The following GAD1 variants were observed in gnomAD, a reference collection of about 807,000 sequenced individuals.
GAD1 encodes the protein 67 kDa glutamic acid decarboxylase.
In GAD1, 35 loss-of-function variants were observed where a neutral mutation model predicts 75.2. That is an observed-to-expected ratio of 0.47 (90% CI 0.36 to 0.62). The LOEUF is 0.62. GAD1 is among the 20% of genes least tolerant of loss of function. GAD1 has a pLI of 0.00. For missense variants in GAD1, 490 were observed against 758.5 expected (o/e 0.65, Z 4.16); for synonymous variants, 257 against 271.9 (o/e 0.95, Z 0.54).
intron 6 of GAD1, 115 bp downstream of exon 6, chr2:170,836,998 C>T (rs1056814266): frequency 2.7e-6 from 2 of 736,134 alleles, no homozygotes; most frequent in African/African-American, 3.5e-5. Flanking sequence ...CATTTTTTCT[C>T]TTAAAATCTT....
chr2:170,827,502 T>A (rs1263889068), intron 3 of GAD1, among the ~76,000 whole-genome samples: 1 of 151,958 alleles, frequency 6.6e-6, no homozygotes, highest in Non-Finnish European at 1.5e-5. Context: ...GTGGAGGGAG[T>A]GTGCTCCACG....
In GAD1 at chr2:170,846,050, A is replaced by G. The variant is rs1313496161; in HGVS notation, c.989A>G (p.Glu330Gly). The G allele has an allele frequency of 6.2e-7, 1 of 1,613,586 alleles. No individual in the cohort carries two copies. Among genetic ancestry groups the G allele is most frequent in the Non-Finnish European group, 8.5e-7 (1 of 1,179,626 alleles). ...GCTGATTTTGAGGCAAAAATTCTTGAAGCCAAACAGAAGGTATGTACTCCG... is the reference window on the plus strand; with the variant it reads ...GCTGATTTTGAGGCAAAAATTCTTGGAGCCAAACAGAAGGTATGTACTCCG... Reference protein sequence around the residue: ...IPADFEAKILEAKQKGYVPFY... With the variant: ...IPADFEAKILGAKQKGYVPFY... Residue 330 changes from glutamate to glycine, a missense_variant, in exon 10 of 17, where the codon GAA (glutamate) becomes GGA (glycine). Physicochemically the swap from Glu to Gly is moderately conservative, Grantham distance 98 (BLOSUM62 -2). Transcript: ENST00000358196.
Position 170,846,043 on chromosome 2 carries a change from A to G in GAD1, c.982A>G (p.Ile328Val). ...KIIPADFEAK[I>V]LEAKQKGYVP... is the part of the protein sequence containing the mutation. ...AATTCCAGCTGATTTTGAGGCAAAA[A>G]TTCTTGAAGCCAAACAGAAGGTATG... The change falls in exon 10 of 17, where the codon ATT becomes GTT. Residue 328 changes from isoleucine (I) to valine (V), a missense_variant. This residue lies in a region of GAD1 where 324 missense variants were observed against 523.9 expected (regional missense o/e 0.62). Coordinates refer to ENST00000358196, the MANE Select transcript of GAD1 (RefSeq NM_000817.3). The G allele has an allele frequency of 1.2e-6, 2 of 1,613,880 alleles. No homozygotes were observed. Among genetic ancestry groups the G allele is most frequent in the Non-Finnish European group, 1.7e-6 (2 of 1,179,764 alleles).
Position 170,818,490 on chromosome 2 carries a change from C to G in GAD1, c.-63-39C>G. ...TCAGTCCCTCCGGTGTGCAGGACCC[C>G]GGAAGTCCTCCCCGCACAGCTCTCG... On this transcript the variant is annotated intron_variant, in intron 1 of 16. Transcript: ENST00000358196. This position sits in a 1 kb window ranked among gnomAD's most constrained non-coding sequence, Gnocchi z 5.9. 1 of 1,106,784 alleles carries G rather than the reference C, an allele frequency of 9.0e-7. No individual in the cohort carries two copies. Among genetic ancestry groups the G allele is most frequent in the East Asian group, 2.4e-5 (1 of 42,420 alleles). 68.6% of individuals were successfully genotyped at this position (1,106,784 alleles called of 1,614,324 possible). A position where few individuals can be genotyped will look rare whatever the true frequency, so the allele number is the denominator to read the frequency against.
At chr2:170,859,235 G>A (rs558632656) in intron 16 of GAD1, among the ~76,000 whole-genome samples, 1 of 152,206 alleles carries the variant, frequency 6.6e-6, no homozygotes, top group South Asian at 2.1e-4. Context: ...AACATTTTAA[G>A]TTCAGGCCCA....
intron 13 of GAD1, 103 bp downstream of exon 13, chr2:170,852,895 A>T: frequency 1.0e-6 from 1 of 977,508 alleles, no homozygotes; most frequent in Non-Finnish European, 1.6e-6. Flanking sequence ...CTGACTCACG[A>T]GATTGGCAGC....
intron 3 of GAD1, among the ~76,000 whole-genome samples, chr2:170,822,454 C>G (rs948350721): frequency 6.6e-6 from 1 of 152,230 alleles, no homozygotes; most frequent in East Asian, 1.9e-4. Context: ...CGCGGCAACC[C>G]CGCCTTCCTA....
rs867050800 is a variant in GAD1, at chr2:170,845,507, G to A, written c.753G>A (p.Gly251=). ...CCCAATATGTCCGCTTGCTGACAGGGGGCGCCATATCCAACATGTACAGCA... is the reference window on the plus strand; with the variant it reads ...CCCAATATGTCCGCTTGCTGACAGGAGGCGCCATATCCAACATGTACAGCA... ...SKDGDGIFSP[G]GAISNMYSIM... is the part of the protein sequence containing the mutation. Residue 251 remains glycine, a splice_region_variant and synonymous_variant, in exon 8 of 17, where the codon GGG becomes GGA. Transcript: ENST00000358196. The A allele has an allele frequency of 1.2e-6, 2 of 1,613,054 alleles. No homozygotes were observed. Among genetic ancestry groups the A allele is most frequent in the African/African-American group, 2.7e-5 (2 of 74,992 alleles).
Position 170,818,525 on chromosome 2 carries a change from G to T in GAD1, c.-63-4G>T. 6.9e-7 allele frequency: 1 copy of T among 1,441,134 alleles called. No homozygotes were observed. Among genetic ancestry groups the T allele is most frequent in the Non-Finnish European group, 9.8e-7 (1 of 1,022,360 alleles). The allele number at this position is 1,441,134 out of a possible 1,614,324, so 89.3% of individuals were successfully genotyped here. ...CCCCGCACAGCTCTCGCTTCTCTTT[G>T]CAGCCTGTTTCTGCGCCGGACCAGT... On this transcript the variant is annotated splice_region_variant and splice_polypyrimidine_tract_variant and intron_variant, in intron 1 of 16. Transcript: ENST00000358196. The surrounding 1 kb of genome is among the most constrained non-coding windows in gnomAD (Gnocchi z 5.9).
At chr2:170,825,273 T>C (rs1575426333) in intron 3 of GAD1, among the ~76,000 whole-genome samples, 2 of 152,118 alleles carry the variant, frequency 1.3e-5, no homozygotes, top group South Asian at 4.1e-4. Flanking sequence ...GCTGCAGTCC[T>C]AGCTACTCAG....
chr2:170,818,700 A>C lies in GAD1; in HGVS notation c.82+27A>C. ...TAGGTCCCGCCCCAATTTTCTATCA[A>C]ATGAACTGCAGGGAAGATGGGGGCG... On this transcript the variant is annotated intron_variant, in intron 2 of 16. Coordinates refer to ENST00000358196, the MANE Select transcript of GAD1 (RefSeq NM_000817.3). This position sits in a 1 kb window ranked among gnomAD's most constrained non-coding sequence, Gnocchi z 5.9. 1 of 1,606,560 alleles carries C rather than the reference A, an allele frequency of 6.2e-7. No individual in the cohort carries two copies. Among genetic ancestry groups the C allele is most frequent in the Non-Finnish European group, 8.5e-7 (1 of 1,173,186 alleles).
intron 3 of GAD1, among the ~76,000 whole-genome samples, chr2:170,827,083 G>T (rs1471695736): frequency 6.6e-6 from 1 of 152,030 alleles, no homozygotes. Flanking sequence ...AAGGTGCTGG[G>T]AGCAACAAAA....
In GAD1 at chr2:170,818,685, C is replaced by T; in HGVS notation, c.82+12C>T. The T allele has an allele frequency of 6.2e-7, 1 of 1,613,466 alleles. No individual in the cohort carries two copies. Among genetic ancestry groups the T allele is most frequent in the Non-Finnish European group, 8.5e-7 (1 of 1,179,362 alleles). Reference sequence around the variant, plus strand: ...CCTGCGCCCCACAAGTAGGTCCCGCCCCAATTTTCTATCAAATGAACTGCA... The same window carrying T: ...CCTGCGCCCCACAAGTAGGTCCCGCTCCAATTTTCTATCAAATGAACTGCA... On this transcript the variant is annotated intron_variant, in intron 2 of 16. Transcript: ENST00000358196. This position sits in a 1 kb window ranked among gnomAD's most constrained non-coding sequence, Gnocchi z 5.9.
At chr2:170,843,812 G>A (rs1575440726) in intron 6 of GAD1, 1 of 527,038 alleles carries the variant, frequency 1.9e-6, no homozygotes, top group East Asian at 3.4e-5. Context: ...CTATTTTGTT[G>A]GTGAAGTATC....
chr2:170,847,321 A>C (rs1702654098), intron 10 of GAD1, among the ~76,000 whole-genome samples: 1 of 152,184 alleles, frequency 6.6e-6, no homozygotes. Flanking sequence ...CATAGAAATT[A>C]TTGCTATTAA....
In GAD1 at chr2:170,822,167, C is replaced by T. The variant is rs1701902273; in HGVS notation, c.145+18C>T. The T allele has an allele frequency of 1.9e-6, 3 of 1,610,296 alleles. No homozygotes were observed. The highest frequency in any genetic ancestry group is 1.3e-5 in the African/African-American group (1 of 74,856). ...GATCTGCGGTAAGTGACAGGACCCA[C>T]TGGGGCCCGGCTGGGTGGCGCGGCG... is the stretch of plus-strand genomic sequence containing the variant. On this transcript the variant is annotated intron_variant, in intron 3 of 16. Transcript: ENST00000358196.
intron 3 of GAD1, among the ~76,000 whole-genome samples, chr2:170,823,074 A>C (rs1701932639): frequency 6.6e-6 from 1 of 152,234 alleles, no homozygotes; most frequent in South Asian, 2.1e-4. Flanking sequence ...TCCTGGCTAC[A>C]TTTCACCGAC....
At chr2:170,831,704 A>C (rs1229935772) in intron 5 of GAD1, among the ~76,000 whole-genome samples, 2 of 143,022 alleles carry the variant, frequency 1.4e-5, no homozygotes, top group Admixed American at 7.0e-5. Context: ...AATAATTATA[A>C]ATAATAAAAT....
chr2:170,818,350 G>A lies in GAD1; in HGVS notation c.-63-179G>A. 3.9e-6 allele frequency: 2 copies of A among 515,322 alleles called. No individual in the cohort carries two copies. The highest frequency in any genetic ancestry group is 3.5e-5 in the East Asian group (1 of 28,708). 31.9% of individuals were successfully genotyped at this position (515,322 alleles called of 1,614,324 possible). On this transcript the variant is annotated intron_variant, in intron 1 of 16. Coordinates refer to ENST00000358196, the MANE Select transcript of GAD1 (RefSeq NM_000817.3). This position sits in a 1 kb window ranked among gnomAD's most constrained non-coding sequence, Gnocchi z 5.9. ...CCCCAGTACCGGAGCTAGCGCGCAC[G>A]TCTCCTCCGCTGCCCCCACCCCTGC...
Sources: gnomAD v4.1 joint callset for allele counts (sites outside exome capture counted in the v4.1 genomes callset) on GRCh38, gnomAD v4.1.1 for gene constraint, gnomAD v4.1.1 regional missense constraint, Gnocchi (gnomAD v3.1) non-coding constraint, MANE v1.5 for transcripts, NCBI Gene and HGNC (gene_info 2026-07-23, HGNC 2026-07-21) for gene names.